TOP1MT: variants seen among roughly 807,000 people sequenced by gnomAD.
The protein encoded by TOP1MT is DNA topoisomerase I mitochondrial.
Under a neutral mutation model 73.9 loss-of-function variants are expected in TOP1MT, and 80 were observed. The ratio of observed to expected loss-of-function variants is 1.08; its 90% CI spans 0.90 to 1.30. The LOEUF is 1.30. Among genes scored for constraint, TOP1MT ranks in the 50% most tolerant of loss-of-function variants. The probability of loss-of-function intolerance (pLI) is 0.00; values close to 1 mark genes in which losing one functional copy is unlikely to be tolerated. For synonymous variants in TOP1MT, 338 were observed against 326.4 expected, an observed-to-expected ratio of 1.04 and a Z score of -0.38; for missense variants, 815 against 808.0, an observed-to-expected ratio of 1.01 and a Z score of -0.10.
chr8:143,326,327 C>G lies in TOP1MT; in HGVS notation c.378G>C (p.Glu126Asp), dbSNP rs778600040. The G allele has an allele frequency of 1.9e-6, 3 of 1,614,018 alleles. No individual in the cohort carries two copies. In the South Asian group the frequency reaches 3.3e-5, roughly 18 times the overall value. The change falls in exon 4 of 14, where the codon GAG (glutamate) becomes GAC (aspartate). Residue 126 changes from glutamate (E) to aspartate (D), a missense_variant. Transcript: ENST00000329245. ...TGTCCAGGCTCTTGATGACTTCCCT[C>G]TCTTCCACCGCCATTTCCTGCAAAA... The part of the protein sequence containing the change: ...NDWRKEMAVE[E>D]REVIKSLDKC...
chr8:143,336,644 C>G (rs1563769085), upstream of TOP1MT, among the ~76,000 whole-genome samples: 1 of 152,076 alleles, frequency 6.6e-6, no homozygotes, highest in Non-Finnish European at 1.5e-5. Context: ...TAAATTATGT[C>G]TATTTGCAGG....
chr8:143,326,024 C>G (rs565987277), intron 4 of TOP1MT, among the ~76,000 whole-genome samples, 198 bp downstream of exon 4: 7 of 152,194 alleles, frequency 4.6e-5, no homozygotes, highest in Non-Finnish European at 8.8e-5. Flanking sequence ...CATTTCAAAC[C>G]GGGTTTACTC....
At chr8:143,310,472 G>A in intron 12 of TOP1MT, 1 of 370,276 alleles carries the variant, frequency 2.7e-6, no homozygotes, top group Non-Finnish European at 4.8e-6. Flanking sequence ...TCGCAGGAGG[G>A]TGAGATGCTC....
At chr8:143,317,115 G>A (rs1816187492) in intron 10 of TOP1MT, among the ~76,000 whole-genome samples, 1 of 152,256 alleles carries the variant, frequency 6.6e-6, no homozygotes, top group African/African-American at 2.4e-5. Flanking sequence ...AGCCCTGCTT[G>A]GGGAGTGCGG....
chr8:143,349,651 T>TC (rs1188684322), upstream of TOP1MT, among the ~76,000 whole-genome samples: 1 of 151,462 alleles, frequency 6.6e-6, no homozygotes, highest in Admixed American at 6.6e-5. Context: ...TTTTTTTTTT[T>TC]TTCTGTTGAG....
In TOP1MT at chr8:143,329,346, C is replaced by T. The variant is rs1356248042; in HGVS notation, c.360+4G>A. 4 of 1,602,722 alleles carry T rather than the reference C, an allele frequency of 2.5e-6. No homozygotes were observed. The African/African-American group carries it at 4.1e-5, about 16-fold the overall frequency. Reference sequence around the variant, plus strand: ...CAGCTGTGGCGGCCGCCCAGGGTACCTACCTTTCGCCAGTCATTGAAGAAG... The same window carrying T: ...CAGCTGTGGCGGCCGCCCAGGGTACTTACCTTTCGCCAGTCATTGAAGAAG... On this transcript the variant is annotated splice_donor_region_variant and intron_variant, in intron 3 of 13. Transcript: ENST00000329245.
intron 3 of TOP1MT, chr8:143,327,765 C>A (rs780880291): frequency 2.5e-5 from 9 of 362,636 alleles, no homozygotes; most frequent in South Asian, 1.5e-4. Flanking sequence ...GGCATCAGGC[C>A]AAAGAAGAGG....
rs759693841 is a variant in TOP1MT, at chr8:143,325,347, T to TG, written c.669dup (p.Arg224GlnfsTer21). ...CCTGCTGCCCGCCCGGCCACGCACC[T>TG]GCTGCAGTTGATAACCACATCCTCT... On this transcript the variant is annotated frameshift_variant and splice_region_variant, in exon 5 of 14. Coordinates refer to ENST00000329245, the MANE Select transcript of TOP1MT (RefSeq NM_052963.3). LOFTEE classifies it high-confidence loss of function. 5 of 1,586,324 alleles carry TG rather than the reference T, an allele frequency of 3.2e-6. No homozygotes were observed. In the South Asian group the frequency reaches 5.5e-5, roughly 18 times the overall value.
rs1357005419 is a variant in TOP1MT, at chr8:143,310,310, A to G, written c.1554-93T>C. ...CTCTGGCCCTGCCGCCTTCCCTCCCAGTGCAGCCCTGTCCCTGTCATTGTC... is the reference window on the plus strand; with the variant it reads ...CTCTGGCCCTGCCGCCTTCCCTCCCGGTGCAGCCCTGTCCCTGTCATTGTC... On this transcript the variant is annotated intron_variant, in intron 12 of 13. Transcript: ENST00000329245. 8 of 954,086 alleles carry G rather than the reference A, an allele frequency of 8.4e-6. No individual in the cohort carries two copies. In the African/African-American group the frequency reaches 9.8e-5, roughly 12 times the overall value. The allele number at this position is 954,086 out of a possible 1,614,324, so 59.1% of individuals were successfully genotyped here.
At position 143,331,463 on chromosome 8, in the gene TOP1MT, G is replaced by A. The variant is rs2450773; in HGVS notation, c.123-124C>T. 14,759 of 727,338 alleles carry A rather than the reference G, an allele frequency of 0.02. 1,540 individuals carry two copies. In the African/African-American group the frequency reaches 0.23, roughly 11 times the overall value. The allele number at this position is 727,338 out of a possible 1,614,324, so 45.1% of individuals were successfully genotyped here. ...TGAGCAGTGTGGCCTCCACCTCACG[G>A]GGGAGGAAAACAAGGCCTGCAGAGG... On this transcript the variant is annotated intron_variant, in intron 1 of 13. Coordinates refer to ENST00000329245, the MANE Select transcript of TOP1MT (RefSeq NM_052963.3).
At chr8:143,334,965 C>T (rs973868581), upstream of TOP1MT, 10 of 1,133,108 alleles carry the variant, frequency 8.8e-6, no homozygotes, top group Admixed American at 3.5e-4. Flanking sequence ...CCTCCGCCCC[C>T]AGCGGCGCTC....
intron 2 of TOP1MT, among the ~76,000 whole-genome samples, chr8:143,340,457 T>C (rs1021895926): frequency 4.6e-5 from 7 of 152,142 alleles, no homozygotes; most frequent in African/African-American, 1.7e-4. Flanking sequence ...TCCTGTGGCT[T>C]AGCTGCCTCC....
At chr8:143,310,403 C>G in intron 12 of TOP1MT, 186 bp from the exon 13 acceptor site, 1 of 508,284 alleles carries the variant, frequency 2.0e-6, no homozygotes, top group South Asian at 3.5e-5. Context: ...ACCCCAGCTG[C>G]CAAGTCAGAT....
chr8:143,323,908 G>C, intron 7 of TOP1MT, 91 bp downstream of exon 7: 1 of 1,466,048 alleles, frequency 6.8e-7, no homozygotes, highest in Non-Finnish European at 9.4e-7. Context: ...CCCACACACA[G>C]GCCCACGTCG....
At chr8:143,316,333 G>C (rs1353712112) in intron 10 of TOP1MT, among the ~76,000 whole-genome samples, 1 of 152,218 alleles carries the variant, frequency 6.6e-6, no homozygotes, top group African/African-American at 2.4e-5. Flanking sequence ...CAGCAACAAG[G>C]CTTCACGTGG....
chr8:143,319,387 T>C lies in TOP1MT; in HGVS notation c.1147-1301A>G, dbSNP rs1816266899. 2.6e-5 allele frequency among the ~76,000 whole-genome samples: 4 copies of C among 152,260 alleles called. No homozygotes were observed. In the South Asian group the frequency reaches 8.3e-4, roughly 32 times the overall value. On this transcript the variant is annotated intron_variant, in intron 8 of 13. Transcript: ENST00000329245. ...ATAGCTCACTGCCGCCTCCAACTCC[T>C]GGGCTCCAGCAACCCTCCCACCTAG...
At chr8:143,352,962 C>T (rs1470395331) in intron 1 of TOP1MT, among the ~76,000 whole-genome samples, 1 of 152,110 alleles carries the variant, frequency 6.6e-6, no homozygotes, top group East Asian at 1.9e-4. Flanking sequence ...AGATAAAACA[C>T]ATAAATTGAA....
upstream of TOP1MT, among the ~76,000 whole-genome samples, chr8:143,338,544 G>A (rs967117564): frequency 1.7e-4 from 25 of 151,274 alleles, no homozygotes; most frequent in African/African-American, 4.4e-4. Context: ...TCCAGCCTGG[G>A]CAACAAAATG....
At chr8:143,321,834 ACACGCCACACG>A (rs1206177838) in intron 7 of TOP1MT, among the ~76,000 whole-genome samples, 1 of 31,288 alleles carries the variant, frequency 3.2e-5, no homozygotes, top group Non-Finnish European at 6.7e-5. Flanking sequence ...CGCTACACAC[ACACGCCACACG>A]CACGCCACAC....
Sources: allele counts gnomAD v4.1 joint callset (sites outside exome capture counted in the v4.1 genomes callset), GRCh38; gene constraint gnomAD v4.1.1; transcripts MANE v1.5; gene names NCBI Gene and HGNC (gene_info 2026-07-23, HGNC 2026-07-21).